The following ARHGAP26 variants were observed in gnomAD, a reference collection of about 807,000 sequenced individuals.
The protein encoded by ARHGAP26 is Rho GTPase activating protein 26, also known as rho GTPase-activating protein 26.
A neutral mutation model predicts 104.8 loss-of-function variants in ARHGAP26; 38 were observed. The ratio of observed to expected loss-of-function variants is 0.36; its 90% CI spans 0.28 to 0.48. ARHGAP26 has a LOEUF of 0.48. Ranked by LOEUF, ARHGAP26 falls within the 20% of genes least tolerant of loss-of-function variation. The pLI is 0.99. For synonymous variants in ARHGAP26, 341 were observed against 340.0 expected (o/e 1.00, Z -0.03); for missense variants, 704 against 947.9 (o/e 0.74, Z 3.38).
chr5:143,039,834 G>A (rs1379780957), intron 13 of ARHGAP26, among the ~76,000 whole-genome samples: 3 of 152,096 alleles, frequency 2.0e-5, no homozygotes, highest in African/African-American at 7.2e-5. Flanking sequence ...GAGAAGAAGA[G>A]GTGTACAAGT....
chr5:143,190,016 A>G (rs1805698502), intron 20 of ARHGAP26, among the ~76,000 whole-genome samples: 1 of 145,642 alleles, frequency 6.9e-6, no homozygotes, highest in Admixed American at 6.8e-5. Context: ...ACATCTTTGG[A>G]GGACAGAAGG....
chr5:143,143,700 C>T (rs931165861), intron 19 of ARHGAP26, among the ~76,000 whole-genome samples: 3 of 152,116 alleles, frequency 2.0e-5, no homozygotes, highest in Admixed American at 1.3e-4. Context: ...TTCACGGAGC[C>T]TTAGTGTCAG....
intron 18 of ARHGAP26, among the ~76,000 whole-genome samples, chr5:143,133,632 A>G (rs984427723): frequency 1.3e-5 from 2 of 152,238 alleles, no homozygotes; most frequent in Non-Finnish European, 2.9e-5. Context: ...AAAAAACTTC[A>G]AGTGCTGTTA....
In ARHGAP26 at chr5:143,207,401, A is replaced by G. The variant is rs764360414; in HGVS notation, c.2099+93A>G. 22 of 1,613,696 alleles carry G rather than the reference A, an allele frequency of 1.4e-5. No individual in the cohort carries two copies. The Admixed American group carries it at 2.0e-4, about 15-fold the overall frequency. On this transcript the variant is annotated intron_variant, in intron 21 of 22. Transcript: ENST00000645722. The stretch of plus-strand genomic sequence containing the variant: ...CATGCAGTGTTCAGCCTCCTCGTCA[A>G]CTTTGTTCCCTGCCATCCAAACCTG...
rs145675600 is a variant in ARHGAP26, at chr5:142,882,969, G to A, written c.385-2329G>A. 3.4e-3 allele frequency among the ~76,000 whole-genome samples: 515 copies of A among 152,310 alleles called. 4 individuals are homozygous for A. Among genetic ancestry groups the A allele is most frequent in the African/African-American group, 0.012 (493 of 41,558 alleles). ...CAATCCTTGACTTAACTACCCCACA[G>A]TAGACTCTCTGGAAGGTGAAAACCA... On this transcript the variant is annotated intron_variant, in intron 4 of 22. Transcript: ENST00000645722.
chr5:142,991,246 G>T (rs563090216), intron 11 of ARHGAP26, among the ~76,000 whole-genome samples: 2 of 152,194 alleles, frequency 1.3e-5, no homozygotes, highest in Non-Finnish European at 2.9e-5. Context: ...CTCCGTGGGC[G>T]TGGGACCCTC....
chr5:143,190,521 C>A (rs191988133), intron 20 of ARHGAP26, among the ~76,000 whole-genome samples: 1 of 151,894 alleles, frequency 6.6e-6, no homozygotes, highest in East Asian at 1.9e-4. Context: ...TTATGATCAG[C>A]AAAACTATTC....
At chr5:143,069,167 C>CT (rs1787914813) in intron 17 of ARHGAP26, among the ~76,000 whole-genome samples, 1 of 152,206 alleles carries the variant, frequency 6.6e-6, no homozygotes, top group Non-Finnish European at 1.5e-5. Context: ...CCTTCACTCC[C>CT]TACCTACTAG....
In ARHGAP26 at chr5:142,873,531, T is replaced by C. The variant is rs751244793; in HGVS notation, c.250+36T>C. ...ACTGTGCAGAAGATAAAAATGTTCA[T>C]TGTTTGTCATAGCCTTCAGTGTCCC... On this transcript the variant is annotated intron_variant, in intron 2 of 22. Transcript: ENST00000645722. 6 of 1,401,830 alleles carry C rather than the reference T, an allele frequency of 4.3e-6. No homozygotes were observed. In the South Asian group the frequency reaches 8.2e-5, roughly 19 times the overall value. The allele number at this position is 1,401,830 out of a possible 1,614,324, so 86.8% of individuals were successfully genotyped here.
chr5:142,827,316 G>A (rs970182346), intron 1 of ARHGAP26, among the ~76,000 whole-genome samples: 2 of 152,282 alleles, frequency 1.3e-5, no homozygotes, highest in Admixed American at 6.5e-5. Flanking sequence ...GAGAGCTTGG[G>A]CGCAGGAGTC....
chr5:143,126,970 A>G (rs952922128), intron 18 of ARHGAP26, among the ~76,000 whole-genome samples: 8 of 152,224 alleles, frequency 5.3e-5, no homozygotes, highest in Non-Finnish European at 7.3e-5. Flanking sequence ...CAATATTTTT[A>G]TGCTTCCAGC....
At chr5:142,877,521 G>A (rs1598043023) in intron 3 of ARHGAP26, among the ~76,000 whole-genome samples, 1 of 152,160 alleles carries the variant, frequency 6.6e-6, no homozygotes, top group Admixed American at 6.5e-5. Context: ...CTTAGACTAA[G>A]TGGGACCTTA....
intron 3 of ARHGAP26, among the ~76,000 whole-genome samples, chr5:142,877,204 G>A (rs1756252515): frequency 6.6e-6 from 1 of 152,096 alleles, no homozygotes; most frequent in Non-Finnish European, 1.5e-5. Context: ...GTATCTGGCC[G>A]TAGCAAGCCC....
chr5:142,830,052 A>G (rs1768086874), intron 1 of ARHGAP26, among the ~76,000 whole-genome samples: 1 of 152,168 alleles, frequency 6.6e-6, no homozygotes. Context: ...GCCCAGGGTG[A>G]ACCTTTTCAA....
intron 20 of ARHGAP26, among the ~76,000 whole-genome samples, chr5:143,204,807 T>A (rs999659015): frequency 1.6e-3 from 237 of 146,608 alleles, no homozygotes; most frequent in Middle Eastern, 3.6e-3. Context: ...TAAAGTCATT[T>A]AAAAAAAAAA....
intron 14 of ARHGAP26, among the ~76,000 whole-genome samples, chr5:143,042,295 G>A (rs1369075610): frequency 6.6e-6 from 1 of 152,164 alleles, no homozygotes; most frequent in African/African-American, 2.4e-5. Flanking sequence ...GGCTCCAGAG[G>A]ACCTCAGAGT....
intron 17 of ARHGAP26, among the ~76,000 whole-genome samples, chr5:143,080,082 CTT>C (rs1010266668): frequency 3.9e-5 from 6 of 152,156 alleles, no homozygotes; most frequent in Non-Finnish European, 7.3e-5. Context: ...CCTGGTCACT[CTT>C]TTGCCTATAA....
In ARHGAP26 at chr5:142,828,223, C is replaced by T. The variant is rs186879472; in HGVS notation, c.155-45177C>T. On this transcript the variant is annotated intron_variant, in intron 1 of 22. Coordinates refer to ENST00000645722, the MANE Select transcript of ARHGAP26 (RefSeq NM_001135608.3). ...GGGATGAAGTATCTGTTAAAAATTA[C>T]GAGTGTTGTCCTCTTTGACATCTCC... Among the ~76,000 whole-genome samples, 924 of 152,278 alleles carry T rather than the reference C, an allele frequency of 6.1e-3. 2 individuals are homozygous for T. The highest frequency in any genetic ancestry group is 9.8e-3 in the Admixed American group (150 of 15,300).
chr5:142,805,683 T>C (rs1762862312), intron 1 of ARHGAP26, among the ~76,000 whole-genome samples: 1 of 152,178 alleles, frequency 6.6e-6, no homozygotes. Flanking sequence ...TAACCTGGAA[T>C]GAAGTACCAG....
Sources: gnomAD v4.1 joint callset for allele counts (sites outside exome capture counted in the v4.1 genomes callset) on GRCh38, gnomAD v4.1.1 for gene constraint, MANE v1.5 for transcripts, NCBI Gene and HGNC (gene_info 2026-07-23, HGNC 2026-07-21) for gene names.